STS: variants seen among roughly 807,000 people sequenced by gnomAD.
The protein encoded by STS is steroid sulfatase.
STS carries 7 observed loss-of-function variants against 26.8 expected under a neutral mutation model. The ratio of observed to expected loss-of-function variants is 0.26; its 90% CI spans 0.15 to 0.49. The LOEUF (loss-of-function observed/expected upper bound fraction) is 0.49, where lower values mean the gene tolerates loss of function less well. STS is among the 20% of genes least tolerant of loss of function. The pLI is 0.98. For missense variants in STS, 434 were observed against 465.6 expected, an observed-to-expected ratio of 0.93 and a Z score of 0.63; for synonymous variants, 199 against 189.4, an observed-to-expected ratio of 1.05 and a Z score of -0.42.
chrX:7,258,857 A>C (rs746704530), intron 5 of STS, among the ~76,000 whole-genome samples: 160 of 110,308 alleles, frequency 1.5e-3, no homozygotes, highest in Non-Finnish European at 2.6e-3. Flanking sequence ...GTTGCTTCTA[A>C]AACTTTAATT....
chrX:7,327,952 A>G (rs1480208570), intron 9 of STS, among the ~76,000 whole-genome samples: 2 of 111,699 alleles, frequency 1.8e-5, no homozygotes, highest in Non-Finnish European at 3.8e-5. Context: ...GAGGTCATAA[A>G]ATCATAGAGT....
At chrX:7,281,298 C>G (rs187845048) in intron 7 of STS, among the ~76,000 whole-genome samples, 261 of 111,673 alleles carry the variant, frequency 2.3e-3, no homozygotes, top group Non-Finnish European at 4.5e-3. Context: ...AGATGGAGTT[C>G]CAGAAGTCTT....
rs1000853882 is a variant in STS, at chrX:7,352,611, T to A, written c.*2350T>A. On this transcript the variant is annotated 3_prime_UTR_variant, in exon 11 of 11. Coordinates refer to ENST00000674429, the MANE Select transcript of STS (RefSeq NM_001320752.2). ...AGGCATAGTTTTGTTGTTTGTTTGC[T>A]TGTTTGTTGCAGGCTGTAAGGCATG... The A allele has an allele frequency of 2.7e-5, 3 of 111,894 alleles. No individual in the cohort carries two copies. Among genetic ancestry groups the A allele is most frequent in the Admixed American group, 9.6e-5 (1 of 10,457 alleles). The allele number at this position is 111,894 out of a possible 1,213,427, so 9.2% of individuals were successfully genotyped here.
chrX:7,174,410 G>T (rs1404387262), intron 1 of STS, among the ~76,000 whole-genome samples: 2 of 111,406 alleles, frequency 1.8e-5, no homozygotes, highest in Non-Finnish European at 3.8e-5. Context: ...AACCCATCAC[G>T]CTCACCCTCC....
chrX:7,278,484 G>T (rs1162076196), intron 7 of STS, among the ~76,000 whole-genome samples: 1 of 112,155 alleles, frequency 8.9e-6, no homozygotes, highest in African/African-American at 3.2e-5. Context: ...TTTCTCCACT[G>T]CAGGTTTCTC....
At chrX:7,169,893 T>TG (rs1168488121) in intron 1 of STS, among the ~76,000 whole-genome samples, 28 of 3,144 alleles carry the variant, frequency 8.9e-3, no homozygotes, top group African/African-American at 0.018. Flanking sequence ...TGTTTGTTGG[T>TG]GGGGGGGGCT....
chrX:7,259,800 G>A, intron 6 of STS, 28 bp downstream of exon 6: 1 of 1,200,515 alleles, frequency 8.3e-7, no homozygotes. Context: ...CTCTGATGCT[G>A]CCTGTTAAAA....
At chrX:7,222,703 T>C (rs1344662083) in intron 2 of STS, among the ~76,000 whole-genome samples, 1 of 111,712 alleles carries the variant, frequency 9.0e-6, no homozygotes, top group Non-Finnish European at 1.9e-5. Flanking sequence ...TAGGAATTTA[T>C]GTCTAAGAGA....
intron 1 of STS, among the ~76,000 whole-genome samples, chrX:7,157,336 C>T (rs1273274292): frequency 9.0e-6 from 1 of 111,308 alleles, no homozygotes; most frequent in Non-Finnish European, 1.9e-5. Context: ...CTGTGGGACT[C>T]CAGGATTTCC....
At chrX:7,322,518 A>G (rs1428173377) in intron 8 of STS, among the ~76,000 whole-genome samples, 11 of 111,610 alleles carry the variant, frequency 9.9e-5, no homozygotes, top group Non-Finnish European at 2.1e-4. Context: ...CTCGTGCCTC[A>G]TCCTCCCAAG....
intron 1 of STS, among the ~76,000 whole-genome samples, chrX:7,157,871 T>G (rs1481887024): frequency 9.0e-6 from 1 of 111,355 alleles, no homozygotes; most frequent in Non-Finnish European, 1.9e-5. Flanking sequence ...TGGGAAATAT[T>G]TATTGTAACA....
intron 2 of STS, among the ~76,000 whole-genome samples, chrX:7,248,765 GTA>G (rs1923005820): frequency 9.0e-6 from 1 of 111,002 alleles, no homozygotes; most frequent in Non-Finnish European, 1.9e-5. Context: ...GTGGCATTAA[GTA>G]TGTTCACACT....
chrX:7,315,955 C>T (rs1294103024), intron 8 of STS, among the ~76,000 whole-genome samples: 1 of 111,215 alleles, frequency 9.0e-6, no homozygotes, highest in African/African-American at 3.3e-5. Context: ...ATCAAGTTGA[C>T]ACTCAATATT....
intron 2 of STS, among the ~76,000 whole-genome samples, chrX:7,204,483 CCCTCCCTTCCTTCCTCCCTCCCTCCTTT>C (rs1934148108): frequency 9.8e-6 from 1 of 101,681 alleles, no homozygotes; most frequent in African/African-American, 3.7e-5. Flanking sequence ...TTTCCTTCCT[CCCTCCCTTCCTTCCTCCCTCCCTCCTTT>C]CCTCCCTTCC....
chrX:7,161,188 A>G (rs1933237696), intron 1 of STS, among the ~76,000 whole-genome samples: 1 of 108,744 alleles, frequency 9.2e-6, no homozygotes, highest in Admixed American at 9.9e-5. Context: ...GCTGGTCTCG[A>G]ACTCCTGACC....
intron 1 of STS, among the ~76,000 whole-genome samples, chrX:7,184,669 G>A (rs1248298771): frequency 9.0e-6 from 1 of 111,633 alleles, no homozygotes; most frequent in African/African-American, 3.3e-5. Context: ...ATTCAGTTAC[G>A]CATATTTTAG....
At chrX:7,349,124 G>A (rs772111991) in intron 10 of STS, among the ~76,000 whole-genome samples, 1 of 101,933 alleles carries the variant, frequency 9.8e-6, no homozygotes, top group South Asian at 4.8e-4. Context: ...TGGGACTACA[G>A]ACACGTGCCA....
At chrX:7,195,039 G>A (rs993739150) in intron 2 of STS, among the ~76,000 whole-genome samples, 1 of 111,742 alleles carries the variant, frequency 8.9e-6, no homozygotes, top group South Asian at 3.7e-4. Context: ...TAAAAAATAT[G>A]GAATTATAAT....
chrX:7,328,749 C>T (rs750589388), intron 9 of STS, among the ~76,000 whole-genome samples: 4 of 110,565 alleles, frequency 3.6e-5, no homozygotes, highest in Non-Finnish European at 5.7e-5. Flanking sequence ...TTAATAGAGA[C>T]GGGGTTTCAC....
Sources: gnomAD v4.1 joint callset for allele counts (sites outside exome capture counted in the v4.1 genomes callset) on GRCh38, gnomAD v4.1.1 for gene constraint, MANE v1.5 for transcripts, NCBI Gene and HGNC (gene_info 2026-07-23, HGNC 2026-07-21) for gene names.